The following SCN4B variants were observed in gnomAD, a reference collection of about 807,000 sequenced individuals.
SCN4B encodes the protein sodium voltage-gated channel beta subunit 4, also known as sodium channel regulatory subunit beta-4.
Under a neutral mutation model 19.6 loss-of-function variants are expected in SCN4B, and 20 were observed. The observed-to-expected ratio is 1.02, with a 90% confidence interval of 0.72 to 1.48. The LOEUF (loss-of-function observed/expected upper bound fraction) is 1.48. Ranked by LOEUF, SCN4B falls within the 40% of genes most tolerant of loss-of-function variation. The probability of loss-of-function intolerance (pLI) is 0.00; values close to 1 mark genes in which losing one functional copy is unlikely to be tolerated. For synonymous variants in SCN4B, 127 were observed against 122.8 expected (o/e 1.03, Z -0.22); for missense variants, 271 against 287.5 (o/e 0.94, Z 0.42).
chr11:118,138,697 G>T (rs1157067102), intron 4 of SCN4B, among the ~76,000 whole-genome samples: 1 of 152,204 alleles, frequency 6.6e-6, no homozygotes, highest in Non-Finnish European at 1.5e-5. Context: ...TAAATAACAG[G>T]ATGGGGGATG....
chr11:118,141,564 T>G (rs933051553), intron 3 of SCN4B: 22 of 589,152 alleles, frequency 3.7e-5, no homozygotes, highest in Non-Finnish European at 4.6e-5. Context: ...TCCCCCACCC[T>G]GCACATGCCC....
intron 2 of SCN4B, 150 bp from the exon 3 acceptor site, chr11:118,144,211 T>C: frequency 3.1e-6 from 2 of 644,130 alleles, no homozygotes; most frequent in South Asian, 1.8e-5. Flanking sequence ...CTTCCCCCCA[T>C]GGTTTCCTCT....
intron 4 of SCN4B, 102 bp from the exon 5 acceptor site, chr11:118,137,222 C>T (rs907468270): frequency 1.6e-5 from 13 of 835,444 alleles, no homozygotes; most frequent in Non-Finnish European, 2.6e-5. Flanking sequence ...TGTGCCTCTC[C>T]CTGGCCTTCT....
intron 2 of SCN4B, 132 bp downstream of exon 2, chr11:118,144,925 G>A: frequency 1.1e-6 from 1 of 870,372 alleles, no homozygotes; most frequent in Non-Finnish European, 2.0e-6. Context: ...AAAGAATACT[G>A]GGAGAAAGGG....
intron 4 of SCN4B, among the ~76,000 whole-genome samples, chr11:118,138,981 T>A (rs1372230398): frequency 2.6e-5 from 4 of 152,084 alleles, no homozygotes; most frequent in Non-Finnish European, 5.9e-5. Context: ...CCCTACGGTC[T>A]GTCCCCTGCC....
At chr11:118,145,524 G>A (rs113900551) in intron 1 of SCN4B, 115 of 1,266,536 alleles carry the variant, frequency 9.1e-5, no homozygotes, top group Non-Finnish European at 1.1e-4. Flanking sequence ...GGCCACTGCC[G>A]CGAACCGCGC....
Position 118,136,047 on chromosome 11 carries a change from G to C in SCN4B, c.*980C>G, listed in dbSNP as rs1261921919. 61 of 434,640 alleles carry C rather than the reference G, an allele frequency of 1.4e-4. No individual in the cohort carries two copies. Among genetic ancestry groups the C allele is most frequent in the Non-Finnish European group, 2.8e-5 (6 of 215,990 alleles). 26.9% of individuals were successfully genotyped at this position (434,640 alleles called of 1,614,324 possible). A position where few individuals can be genotyped will look rare whatever the true frequency, so the allele number is the denominator to read the frequency against. On this transcript the variant is annotated 3_prime_UTR_variant, in exon 5 of 5. Coordinates refer to ENST00000324727, the MANE Select transcript of SCN4B (RefSeq NM_174934.4). ...TGATGGAGGGCACGGTGGGGGGGGG[G>C]GAGCGAGCCAATGGGAGGTTGGAGG...
chr11:118,141,353 G>T lies in SCN4B; in HGVS notation c.464-17C>A, dbSNP rs1477906379. 2 of 1,612,144 alleles carry T rather than the reference G, an allele frequency of 1.2e-6. No homozygotes were observed. The highest frequency in any genetic ancestry group is 1.7e-5 in the Admixed American group (1 of 60,018). On this transcript the variant is annotated splice_polypyrimidine_tract_variant and intron_variant, in intron 3 of 4. Transcript: ENST00000324727. Reference sequence around the variant, plus strand: ...CTTCTTCCACTGTGTGGCCCGAGTAGGGAGGAAAGGGAAGGCACAAAGGGA... The same window carrying T: ...CTTCTTCCACTGTGTGGCCCGAGTATGGAGGAAAGGGAAGGCACAAAGGGA...
At chr11:118,140,721 GC>G (rs1948084890) in intron 4 of SCN4B, among the ~76,000 whole-genome samples, 1 of 152,184 alleles carries the variant, frequency 6.6e-6, no homozygotes, top group South Asian at 2.1e-4. Context: ...GGCCATATCT[GC>G]CTTTTCAAAC....
chr11:118,146,244 C>T (rs1948174029), intron 1 of SCN4B, among the ~76,000 whole-genome samples: 1 of 152,202 alleles, frequency 6.6e-6, no homozygotes, highest in African/African-American at 2.4e-5. Flanking sequence ...GGCCTCTCCA[C>T]TCACGGCCTC....
chr11:118,134,277 A>T lies in SCN4B; in HGVS notation c.*2750T>A. 1 of 454,144 alleles carries T rather than the reference A, an allele frequency of 2.2e-6. No individual in the cohort carries two copies. The highest frequency in any genetic ancestry group is 4.4e-6 in the Non-Finnish European group (1 of 226,800). The allele number at this position is 454,144 out of a possible 1,614,324, so 28.1% of individuals were successfully genotyped here. ...GAACTTTGTCTTTAGTCTCGCTGAC[A>T]TCACTCAGCCCAGCTGCATGTGGCC... is the stretch of plus-strand genomic sequence containing the variant. On this transcript the variant is annotated 3_prime_UTR_variant, in exon 5 of 5. Coordinates refer to ENST00000324727, the MANE Select transcript of SCN4B (RefSeq NM_174934.4).
Position 118,137,135 on chromosome 11 carries a change from A to G in SCN4B, c.594-15T>C, listed in dbSNP as rs777615584. On this transcript the variant is annotated splice_polypyrimidine_tract_variant and intron_variant, in intron 4 of 4. Coordinates refer to ENST00000324727, the MANE Select transcript of SCN4B (RefSeq NM_174934.4). ...GACACTCCTTCCTGGAGAGGGAGAGAGAAGGGACAGTGGTGAGGAGAGGAG... is the reference window on the plus strand; with the variant it reads ...GACACTCCTTCCTGGAGAGGGAGAGGGAAGGGACAGTGGTGAGGAGAGGAG... 6 of 1,583,388 alleles carry G rather than the reference A, an allele frequency of 3.8e-6. No homozygotes were observed. The Admixed American group carries it at 1.0e-4, about 26-fold the overall frequency.
rs1179635605 is a variant in SCN4B, at chr11:118,141,188, G to A, written c.593+19C>T. ...GGTGGGCTGCTGGGAGGACAGGAGT[G>A]TGCTCCAGATCAACTCACTTCTTCT... On this transcript the variant is annotated intron_variant, in intron 4 of 4. Coordinates refer to ENST00000324727, the MANE Select transcript of SCN4B (RefSeq NM_174934.4). The A allele has an allele frequency of 2.5e-6, 4 of 1,612,728 alleles. No individual in the cohort carries two copies. The African/African-American group carries it at 5.3e-5, about 22-fold the overall frequency.
rs1406376979 is a variant in SCN4B, at chr11:118,134,307, C to T, written c.*2720G>A. On this transcript the variant is annotated 3_prime_UTR_variant, in exon 5 of 5. Coordinates refer to ENST00000324727, the MANE Select transcript of SCN4B (RefSeq NM_174934.4). ...TCAGCCCAGCTGCATGTGGCCAGGT[C>T]TCTCAAGATCGACTTTGTAAGTGGC... is the stretch of plus-strand genomic sequence containing the variant. 6.6e-6 allele frequency: 3 copies of T among 454,014 alleles called. No individual in the cohort carries two copies. Among genetic ancestry groups the T allele is most frequent in the African/African-American group, 2.0e-5 (1 of 50,012 alleles). The allele number at this position is 454,014 out of a possible 1,614,324, so 28.1% of individuals were successfully genotyped here.
chr11:118,144,425 T>C (rs1948142370), intron 2 of SCN4B, among the ~76,000 whole-genome samples: 1 of 152,216 alleles, frequency 6.6e-6, no homozygotes, highest in Non-Finnish European at 1.5e-5. Context: ...CCATGTCACC[T>C]GCCCAACTGA....
chr11:118,145,287 G>C (rs753213388), intron 1 of SCN4B, 58 bp from the exon 2 acceptor site: 5 of 1,610,182 alleles, frequency 3.1e-6, no homozygotes, highest in South Asian at 2.2e-5. Context: ...GCTCTGGAAG[G>C]GGATGCTTAG....
chr11:118,145,093 G>A lies in SCN4B; in HGVS notation c.198C>T (p.Phe66=). Residue 66 remains phenylalanine, a synonymous_variant, in exon 2 of 5, where the codon TTC becomes TTT. Coordinates refer to ENST00000324727, the MANE Select transcript of SCN4B (RefSeq NM_174934.4). The part of the protein sequence containing the change: ...SSCFGFEDLH[F]RWTYNSSDAF... ...CGTCACTGCTGTTGTAGGTCCACCGGAAGTGGAGGTCCTCGAAGCCAAAGC... is the reference window on the plus strand; with the variant it reads ...CGTCACTGCTGTTGTAGGTCCACCGAAAGTGGAGGTCCTCGAAGCCAAAGC... 6.2e-7 allele frequency: 1 copy of A among 1,614,144 alleles called. No individual in the cohort carries two copies. Among genetic ancestry groups the A allele is most frequent in the Non-Finnish European group, 8.5e-7 (1 of 1,180,008 alleles).
intron 4 of SCN4B, among the ~76,000 whole-genome samples, chr11:118,138,547 G>A (rs1458232379): frequency 6.6e-6 from 1 of 152,068 alleles, no homozygotes; most frequent in Non-Finnish European, 1.5e-5. Context: ...AGTTAACCCA[G>A]CCAATTACGA....
chr11:118,139,292 C>T (rs1348538406), intron 4 of SCN4B, among the ~76,000 whole-genome samples: 1 of 152,090 alleles, frequency 6.6e-6, no homozygotes, highest in African/African-American at 2.4e-5. Flanking sequence ...AAGAATCTTC[C>T]CTTTACTCTC....
Sources: allele counts gnomAD v4.1 joint callset (sites outside exome capture counted in the v4.1 genomes callset), GRCh38; gene constraint gnomAD v4.1.1; transcripts MANE v1.5; gene names NCBI Gene and HGNC (gene_info 2026-07-23, HGNC 2026-07-21).